ADK: variants seen among roughly 807,000 people sequenced by gnomAD.
ADK encodes N6,N6-dimethyladenosine kinase.
Under a neutral mutation model 44.7 loss-of-function variants are expected in ADK, and 24 were observed. That is an observed-to-expected ratio of 0.54 (90% CI 0.39 to 0.76). ADK has a LOEUF of 0.76. Ranked by LOEUF, ADK falls within the 30% of genes least tolerant of loss-of-function variation. The pLI, the probability that ADK is intolerant of heterozygous loss-of-function variation, is 0.00. For synonymous variants in ADK, 128 were observed against 142.6 expected (o/e 0.90, Z 0.73); for missense variants, 321 against 425.1 (o/e 0.76, Z 2.15).
chr10:74,484,075 T>G (rs537191773), intron 6 of ADK, among the ~76,000 whole-genome samples: 2 of 152,330 alleles, frequency 1.3e-5, no homozygotes, highest in African/African-American at 4.8e-5. Flanking sequence ...TTTTCCGTAT[T>G]AGTTTGTTCT....
At chr10:74,170,646 A>G (rs1443205988) in intron 1 of ADK, among the ~76,000 whole-genome samples, 1 of 151,864 alleles carries the variant, frequency 6.6e-6, no homozygotes. Context: ...AAAATACAAA[A>G]AAAATTTGCC....
At chr10:74,690,634 C>T (rs932972466) in intron 10 of ADK, among the ~76,000 whole-genome samples, 42 of 152,240 alleles carry the variant, frequency 2.8e-4, no homozygotes, top group African/African-American at 9.9e-4. Flanking sequence ...GGCTTTTTTT[C>T]CTGCTTATAA....
At position 74,356,002 on chromosome 10, in the gene ADK, A is replaced by ATTT. The variant is rs34454856; in HGVS notation, c.274-38114_274-38112dup. Among the ~76,000 whole-genome samples, 9 of 83,302 alleles carry ATTT rather than the reference A, an allele frequency of 1.1e-4. 1 individual carries two copies. Among genetic ancestry groups the ATTT allele is most frequent in the African/African-American group, 3.1e-4 (6 of 19,586 alleles). The allele number at this position is 83,302 out of a possible 152,430, so 54.6% of individuals were successfully genotyped here. Reference sequence around the variant, plus strand: ...TCTGAAATATTTCACTAAATAATTCATTTTTTTTTTTTTTTTTTTTTTTTT... The same window carrying ATTT: ...TCTGAAATATTTCACTAAATAATTCATTTTTTTTTTTTTTTTTTTTTTTTTTTT... On this transcript the variant is annotated intron_variant, in intron 4 of 10. Transcript: ENST00000539909.
At chr10:74,392,864 C>T (rs1843384313) in intron 4 of ADK, among the ~76,000 whole-genome samples, 1 of 152,036 alleles carries the variant, frequency 6.6e-6, no homozygotes, top group African/African-American at 2.4e-5. Flanking sequence ...GAGTGTTCCA[C>T]AGAGCTTTTC....
intron 3 of ADK, among the ~76,000 whole-genome samples, chr10:74,290,199 C>T (rs1847357235): frequency 2.0e-5 from 3 of 151,986 alleles, no homozygotes; most frequent in African/African-American, 4.8e-5. Flanking sequence ...CGTTCTTTGT[C>T]TCTGAGAGTT....
At chr10:74,439,642 A>T (rs1051361252) in intron 6 of ADK, among the ~76,000 whole-genome samples, 1 of 152,206 alleles carries the variant, frequency 6.6e-6, no homozygotes, top group African/African-American at 2.4e-5. Context: ...TCCAAAAGAA[A>T]GTTCACCTTT....
intron 4 of ADK, among the ~76,000 whole-genome samples, chr10:74,378,062 T>C (rs1179085303): frequency 6.6e-6 from 1 of 151,758 alleles, no homozygotes; most frequent in Non-Finnish European, 1.5e-5. Context: ...TTTTTTTTTT[T>C]TTTAATCTAT....
At chr10:74,422,250 A>C (rs1844581126) in intron 6 of ADK, among the ~76,000 whole-genome samples, 1 of 152,242 alleles carries the variant, frequency 6.6e-6, no homozygotes, top group Non-Finnish European at 1.5e-5. Flanking sequence ...TTAGGAAAAC[A>C]TCAGACAAAT....
intron 7 of ADK, among the ~76,000 whole-genome samples, chr10:74,554,203 C>G (rs190343595): frequency 6.6e-6 from 1 of 152,058 alleles, no homozygotes; most frequent in Non-Finnish European, 1.5e-5. Flanking sequence ...CTTTTTCCCT[C>G]CTGTCCTTTT....
chr10:74,205,720 A>G (rs1454216618), intron 2 of ADK, among the ~76,000 whole-genome samples: 1 of 151,230 alleles, frequency 6.6e-6, no homozygotes, highest in Non-Finnish European at 1.5e-5. Flanking sequence ...GTAATTCACT[A>G]TAGTAAGAAA....
intron 7 of ADK, among the ~76,000 whole-genome samples, chr10:74,570,637 T>C (rs1850919145): frequency 6.6e-6 from 1 of 152,232 alleles, no homozygotes; most frequent in Non-Finnish European, 1.5e-5. Flanking sequence ...CATATTGATT[T>C]TGTATCCTGA....
At chr10:74,654,359 G>A (rs1352607730) in intron 9 of ADK, among the ~76,000 whole-genome samples, 1 of 152,148 alleles carries the variant, frequency 6.6e-6, no homozygotes, top group Non-Finnish European at 1.5e-5. Flanking sequence ...TCTAATAAAT[G>A]CTTCTTCCTA....
chr10:74,388,715 C>T (rs1843235557), intron 4 of ADK, among the ~76,000 whole-genome samples: 1 of 151,918 alleles, frequency 6.6e-6, no homozygotes, highest in South Asian at 2.1e-4. Context: ...AAGTCTGAGA[C>T]CTTGATTGAC....
At chr10:74,420,851 T>G (rs1844531137) in intron 6 of ADK, among the ~76,000 whole-genome samples, 1 of 152,126 alleles carries the variant, frequency 6.6e-6, no homozygotes, top group Admixed American at 6.5e-5. Context: ...ATCTTAATTT[T>G]TCAGTTATTT....
chr10:74,242,822 C>T (rs944151692), intron 3 of ADK, among the ~76,000 whole-genome samples: 5 of 152,176 alleles, frequency 3.3e-5, no homozygotes, highest in South Asian at 2.1e-4. Context: ...GCCAGACTTT[C>T]GGGAAAAGAG....
At chr10:74,327,604 C>G (rs1198582915) in intron 4 of ADK, among the ~76,000 whole-genome samples, 1 of 152,046 alleles carries the variant, frequency 6.6e-6, no homozygotes, top group Non-Finnish European at 1.5e-5. Flanking sequence ...AAGTTTCCTA[C>G]TAGGTAGAGG....
At chr10:74,152,656 CTG>C (rs1311619661) in intron 1 of ADK, among the ~76,000 whole-genome samples, 1 of 152,138 alleles carries the variant, frequency 6.6e-6, no homozygotes, top group Non-Finnish European at 1.5e-5. Flanking sequence ...TCCATTTTCA[CTG>C]TGTTTTCCTA....
chr10:74,586,951 A>G (rs1851550099), intron 7 of ADK, among the ~76,000 whole-genome samples: 1 of 151,724 alleles, frequency 6.6e-6, no homozygotes, highest in Admixed American at 6.6e-5. Flanking sequence ...TTTACAGTTA[A>G]TTTCTTATAT....
At chr10:74,660,900 C>T (rs1185688350) in intron 9 of ADK, among the ~76,000 whole-genome samples, 1 of 151,960 alleles carries the variant, frequency 6.6e-6, no homozygotes, top group Non-Finnish European at 1.5e-5. Context: ...GGCGTGGTGG[C>T]ACGCACCTGC....
Sources: gnomAD v4.1 joint callset for allele counts (sites outside exome capture counted in the v4.1 genomes callset) on GRCh38, gnomAD v4.1.1 for gene constraint, MANE v1.5 for transcripts, NCBI Gene and HGNC (gene_info 2026-07-23, HGNC 2026-07-21) for gene names.